VPS8: variants seen among roughly 807,000 people sequenced by gnomAD.
The protein encoded by VPS8 is VPS8 subunit of CORVET complex, also known as vacuolar protein sorting-associated protein 8 homolog.
In VPS8, 129 loss-of-function variants were observed where a neutral mutation model predicts 216.4. That is an observed-to-expected ratio of 0.60 (90% confidence interval 0.52 to 0.69). The LOEUF (loss-of-function observed/expected upper bound fraction) is 0.69. VPS8 is among the 30% of genes least tolerant of loss of function. The pLI is 0.00. For synonymous variants in VPS8, 571 were observed against 565.4 expected, an observed-to-expected ratio of 1.01 and a Z score of -0.14; for missense variants, 1,531 against 1,683.5, an observed-to-expected ratio of 0.91 and a Z score of 1.59.
chr3:185,043,699 AG>A (rs1229375638), intron 46 of VPS8, among the ~76,000 whole-genome samples: 1 of 152,202 alleles, frequency 6.6e-6, no homozygotes, highest in Non-Finnish European at 1.5e-5. Context: ...TATTTCCATT[AG>A]CTGCTCTCTC....
rs1724813155 is a variant in VPS8, at chr3:184,854,180, A to G, written c.1035+7A>G. ...GACTTTTCCCTATGGCCGGGTGAGTACGTCCCTCCATCTTATTTGCCAAAG... is the reference window on the plus strand; with the variant it reads ...GACTTTTCCCTATGGCCGGGTGAGTGCGTCCCTCCATCTTATTTGCCAAAG... On this transcript the variant is annotated splice_region_variant and intron_variant, in intron 13 of 47. Coordinates refer to ENST00000625842, the MANE Select transcript of VPS8 (RefSeq NM_001009921.3). 1.9e-6 allele frequency: 3 copies of G among 1,613,586 alleles called. No individual in the cohort carries two copies. The South Asian group carries it at 3.3e-5, about 18-fold the overall frequency.
chr3:184,871,323 A>G (rs1432734842), intron 21 of VPS8, among the ~76,000 whole-genome samples: 1 of 152,016 alleles, frequency 6.6e-6, no homozygotes, highest in Non-Finnish European at 1.5e-5. Flanking sequence ...TGTATTTATT[A>G]TGCAGGTTTT....
chr3:184,841,172 T>A (rs1431753173), intron 7 of VPS8, among the ~76,000 whole-genome samples: 2 of 152,186 alleles, frequency 1.3e-5, no homozygotes, highest in Admixed American at 6.5e-5. Context: ...ATATAGTTGA[T>A]ATATAGTCAT....
intron 34 of VPS8, among the ~76,000 whole-genome samples, chr3:184,934,432 A>G (rs1576893194): frequency 6.6e-6 from 1 of 152,264 alleles, no homozygotes; most frequent in East Asian, 1.9e-4. Context: ...TGGCCTCCCA[A>G]AGTGCTAGGA....
chr3:185,050,745 TTTG>T (rs1186061361), intron 47 of VPS8, among the ~76,000 whole-genome samples: 2 of 152,106 alleles, frequency 1.3e-5, no homozygotes, highest in Non-Finnish European at 2.9e-5. Context: ...TCCTGGAGTG[TTTG>T]GTAGACACAG....
chr3:184,844,011 G>A (rs972387617), intron 8 of VPS8, among the ~76,000 whole-genome samples: 1 of 152,194 alleles, frequency 6.6e-6, no homozygotes, highest in South Asian at 2.1e-4. Flanking sequence ...AATTCTGTGA[G>A]TTGGTTTGCT....
At chr3:184,925,986 G>A (rs1425715846) in intron 30 of VPS8, among the ~76,000 whole-genome samples, 1 of 150,832 alleles carries the variant, frequency 6.6e-6, no homozygotes, top group Non-Finnish European at 1.5e-5. Context: ...TGCTGGCCAG[G>A]CTGGTCTTGA....
intron 39 of VPS8, 87 bp downstream of exon 39, chr3:184,966,800 T>C: frequency 2.0e-6 from 2 of 981,116 alleles, no homozygotes; most frequent in Non-Finnish European, 3.0e-6. Flanking sequence ...TATTATGTAA[T>C]AATTACACTT....
intron 45 of VPS8, among the ~76,000 whole-genome samples, chr3:185,012,449 G>A (rs1329717117): frequency 6.6e-6 from 1 of 150,434 alleles, no homozygotes; most frequent in Non-Finnish European, 1.5e-5. Flanking sequence ...GGGAGCTGGG[G>A]ACATTGGACC....
chr3:184,898,650 T>C lies in VPS8; in HGVS notation c.2090T>C (p.Met697Thr), dbSNP rs1466841897. 4 of 1,548,212 alleles carry C rather than the reference T, an allele frequency of 2.6e-6. No homozygotes were observed. In the South Asian group the frequency reaches 4.8e-5, roughly 19 times the overall value. ...GGCATGAATGAATTTATTAGTCCAA[T>C]GGAGGTAAGATACTTCCTAACTTGG... Reference protein sequence around the residue: ...NRGMNEFISPMEKLFRVIAPP... With the variant: ...NRGMNEFISPTEKLFRVIAPP... The change falls in exon 24 of 48, where the codon ATG becomes ACG. Residue 697 changes from methionine (M) to threonine (T), a missense_variant. Coordinates refer to ENST00000625842, the MANE Select transcript of VPS8 (RefSeq NM_001009921.3).
intron 35 of VPS8, among the ~76,000 whole-genome samples, chr3:184,939,629 TGAG>T (rs1742294270): frequency 6.6e-6 from 1 of 150,934 alleles, no homozygotes; most frequent in African/African-American, 2.4e-5. Flanking sequence ...GTCACGTAAG[TGAG>T]TAAATGGCAA....
chr3:185,012,264 TATATA>T (rs989437354), intron 45 of VPS8, among the ~76,000 whole-genome samples: 6 of 148,054 alleles, frequency 4.1e-5, no homozygotes, highest in Non-Finnish European at 6.0e-5. Context: ...AAATTATAGA[TATATA>T]ATGTACATAT....
At chr3:184,852,146 T>C (rs1282583241) in intron 10 of VPS8, among the ~76,000 whole-genome samples, 1 of 152,180 alleles carries the variant, frequency 6.6e-6, no homozygotes, top group Non-Finnish European at 1.5e-5. Flanking sequence ...CAGGTGTAAA[T>C]GTAACCAAAG....
intron 6 of VPS8, 38 bp from the exon 7 acceptor site, chr3:184,839,660 G>A: frequency 6.4e-7 from 1 of 1,562,300 alleles, no homozygotes; most frequent in African/African-American, 1.4e-5. Context: ...GATTCTTAAT[G>A]TAATGTCTTA....
At chr3:184,816,922 A>G (rs1050933135) in intron 1 of VPS8, among the ~76,000 whole-genome samples, 7 of 152,174 alleles carry the variant, frequency 4.6e-5, no homozygotes, top group Non-Finnish European at 1.0e-4. Context: ...AATCATCTAT[A>G]TGAATCATTT....
intron 45 of VPS8, among the ~76,000 whole-genome samples, chr3:185,021,748 A>G (rs572992027): frequency 6.6e-6 from 1 of 152,332 alleles, no homozygotes; most frequent in East Asian, 1.9e-4. Flanking sequence ...TTAAAATCAG[A>G]GAGGTTAAAC....
chr3:184,928,259 T>C (rs1740037359), intron 31 of VPS8, among the ~76,000 whole-genome samples, 192 bp from the exon 32 acceptor site: 1 of 152,242 alleles, frequency 6.6e-6, no homozygotes, highest in Non-Finnish European at 1.5e-5. Flanking sequence ...TATCTTTTTA[T>C]AGGGCTTAAA....
At chr3:184,999,919 G>C in intron 45 of VPS8, 58 bp downstream of exon 45, 1 of 1,512,384 alleles carries the variant, frequency 6.6e-7, no homozygotes, top group Non-Finnish European at 8.8e-7. Flanking sequence ...TGTCATTTGG[G>C]CCTGGTCTCA....
chr3:184,821,891 A>G (rs1717680745), intron 1 of VPS8, among the ~76,000 whole-genome samples: 2 of 152,138 alleles, frequency 1.3e-5, no homozygotes, highest in Non-Finnish European at 2.9e-5. Flanking sequence ...TTCCATTTTA[A>G]TGAATCCTGG....
Sources: allele counts gnomAD v4.1 joint callset (sites outside exome capture counted in the v4.1 genomes callset), GRCh38; gene constraint gnomAD v4.1.1; transcripts MANE v1.5; gene names NCBI Gene and HGNC (gene_info 2026-07-23, HGNC 2026-07-21).